ITPR2: variants seen among roughly 807,000 people sequenced by gnomAD.
ITPR2 encodes the protein inositol 1,4,5-trisphosphate-gated calcium channel ITPR2.
A neutral mutation model predicts 317.1 loss-of-function variants in ITPR2; 207 were observed. That is an observed-to-expected ratio of 0.65 (90% confidence interval 0.58 to 0.73). The LOEUF (loss-of-function observed/expected upper bound fraction) is 0.73, where lower values mean the gene tolerates loss of function less well. Among genes scored for constraint, ITPR2 ranks in the 30% least tolerant of loss-of-function variants. The pLI, the probability that ITPR2 is intolerant of heterozygous loss-of-function variation, is 0.00. For missense variants in ITPR2, 2,613 were observed against 3,284.0 expected (o/e 0.80, Z 4.99); for synonymous variants, 1,156 against 1,149.1 (o/e 1.01, Z -0.12).
Position 26,621,182 on chromosome 12 carries a change from T to G in ITPR2, c.3403A>C (p.Asn1135His). The G allele has an allele frequency of 6.2e-7, 1 of 1,614,026 alleles. No homozygotes were observed. The highest frequency in any genetic ancestry group is 1.1e-5 in the South Asian group (1 of 91,058). ...TCCCCTATTTCTCCATTCTCATAGT[T>G]GCTGCTCTTCTCCACCCATAGCTCA... is the stretch of plus-strand genomic sequence containing the variant. ...KSELWVEKSS[N>H]YENGEIGESQ... Residue 1135 changes from asparagine to histidine, a missense_variant, in exon 26 of 57, where the codon AAC becomes CAC. Physicochemically the swap from Asn to His is moderately conservative, Grantham distance 68. Transcript: ENST00000381340.
chr12:26,717,311 T>C lies in ITPR2; in HGVS notation c.526-1069A>G, dbSNP rs566541903. Among the ~76,000 whole-genome samples, 5 of 152,316 alleles carry C rather than the reference T, an allele frequency of 3.3e-5. No individual in the cohort carries two copies. The South Asian group carries it at 1.0e-3, about 32-fold the overall frequency. On this transcript the variant is annotated intron_variant, in intron 5 of 56. Coordinates refer to ENST00000381340, the MANE Select transcript of ITPR2 (RefSeq NM_002223.4). Reference sequence around the variant, plus strand: ...ATCTAAGCCCAAACTTTAAAAAACATAATTTCATATTTTCAATATCAGATA... The same window carrying C: ...ATCTAAGCCCAAACTTTAAAAAACACAATTTCATATTTTCAATATCAGATA...
At chr12:26,569,887 G>A (rs532601847) in intron 34 of ITPR2, among the ~76,000 whole-genome samples, 16 of 152,240 alleles carry the variant, frequency 1.1e-4, no homozygotes, top group South Asian at 6.2e-4. Flanking sequence ...GGCAGCATCC[G>A]TCAGAAGTGA....
At chr12:26,497,196 CA>C (rs1283911671) in intron 37 of ITPR2, among the ~76,000 whole-genome samples, 1 of 149,394 alleles carries the variant, frequency 6.7e-6, no homozygotes, top group Non-Finnish European at 1.5e-5. Flanking sequence ...CTCTGTGGCC[CA>C]GGCTGGAGTG....
intron 39 of ITPR2, among the ~76,000 whole-genome samples, chr12:26,492,147 C>T (rs1591827111): frequency 6.6e-6 from 1 of 151,980 alleles, no homozygotes; most frequent in Non-Finnish European, 1.5e-5. Context: ...TATCCCAAGA[C>T]CCAGGCAGAA....
chr12:26,465,353 C>T (rs1237360243), intron 45 of ITPR2, among the ~76,000 whole-genome samples: 1 of 152,040 alleles, frequency 6.6e-6, no homozygotes, highest in African/African-American at 2.4e-5. Flanking sequence ...GGTGGCCTCA[C>T]CAAGAGTGGT....
At chr12:26,619,000 A>G (rs1273269550) in intron 26 of ITPR2, among the ~76,000 whole-genome samples, 3 of 152,224 alleles carry the variant, frequency 2.0e-5, no homozygotes, top group Admixed American at 2.0e-4. Flanking sequence ...TCTGTTATAT[A>G]GGGAGGGAGC....
chr12:26,364,623 C>T (rs1422669380), intron 55 of ITPR2, among the ~76,000 whole-genome samples: 4 of 152,174 alleles, frequency 2.6e-5, no homozygotes. Flanking sequence ...AACCAACTAA[C>T]TCCCTTTGCT....
intron 55 of ITPR2, 137 bp from the exon 56 acceptor site, chr12:26,340,465 G>A (rs1938072429): frequency 1.1e-6 from 1 of 887,624 alleles, no homozygotes. Flanking sequence ...GCATAGGGAG[G>A]GGCTGAAGTA....
At chr12:26,675,883 T>C (rs192269448) in intron 13 of ITPR2, among the ~76,000 whole-genome samples, 2 of 152,232 alleles carry the variant, frequency 1.3e-5, no homozygotes, top group East Asian at 3.9e-4. Flanking sequence ...ATGGCAAGAG[T>C]GCAGTGGCTC....
At chr12:26,517,190 G>A (rs192373559) in intron 37 of ITPR2, among the ~76,000 whole-genome samples, 7 of 152,046 alleles carry the variant, frequency 4.6e-5, no homozygotes, top group Admixed American at 3.9e-4. Context: ...CTATATATAG[G>A]GAGATGCTAT....
intron 26 of ITPR2, among the ~76,000 whole-genome samples, chr12:26,609,588 A>G (rs940331683): frequency 5.3e-5 from 8 of 152,124 alleles, no homozygotes; most frequent in Non-Finnish European, 1.0e-4. Context: ...TGAATGACAG[A>G]GCAAGACCCT....
At chr12:26,797,320 G>A (rs1281939613) in intron 1 of ITPR2, among the ~76,000 whole-genome samples, 1 of 152,080 alleles carries the variant, frequency 6.6e-6, no homozygotes, top group African/African-American at 2.4e-5. Context: ...ATTTCTAAAA[G>A]AAAGCAAATA....
intron 44 of ITPR2, among the ~76,000 whole-genome samples, chr12:26,476,514 ATTAATT>A (rs1291028413): frequency 6.6e-6 from 1 of 152,260 alleles, no homozygotes; most frequent in Non-Finnish European, 1.5e-5. Flanking sequence ...TACAAAAAAT[ATTAATT>A]TTATTTTTAT....
At chr12:26,406,598 C>G (rs2136662093) in intron 52 of ITPR2, 1 of 152,194 alleles carries the variant, frequency 6.6e-6, no homozygotes, top group East Asian at 1.9e-4. Flanking sequence ...CTGTGTATGT[C>G]TGTACCTTTT....
chr12:26,677,628 G>T (rs535453751), intron 13 of ITPR2, among the ~76,000 whole-genome samples: 2 of 151,972 alleles, frequency 1.3e-5, no homozygotes, highest in African/African-American at 2.4e-5. Flanking sequence ...TAGACTATCA[G>T]ATTGGATTGT....
At chr12:26,693,667 G>A (rs573335328) in intron 10 of ITPR2, among the ~76,000 whole-genome samples, 1 of 152,248 alleles carries the variant, frequency 6.6e-6, no homozygotes, top group East Asian at 1.9e-4. Context: ...ATCTGTGGAT[G>A]TTTGAATACA....
chr12:26,493,771 C>G (rs1377906292), intron 39 of ITPR2, among the ~76,000 whole-genome samples: 1 of 152,160 alleles, frequency 6.6e-6, no homozygotes, highest in Non-Finnish European at 1.5e-5. Context: ...CTCCCCAGCA[C>G]TCGGGCTCAT....
chr12:26,616,597 T>A (rs566561955), intron 26 of ITPR2, among the ~76,000 whole-genome samples: 3 of 152,316 alleles, frequency 2.0e-5, no homozygotes, highest in South Asian at 2.1e-4. Context: ...CAATTTTTTT[T>A]AAATCGAAAA....
chr12:26,531,925 A>C (rs1385259159), intron 37 of ITPR2, among the ~76,000 whole-genome samples: 1 of 152,222 alleles, frequency 6.6e-6, no homozygotes, highest in Non-Finnish European at 1.5e-5. Context: ...GAACTGGTTA[A>C]AATATACTAG....
Sources: allele counts gnomAD v4.1 joint callset (sites outside exome capture counted in the v4.1 genomes callset), GRCh38; gene constraint gnomAD v4.1.1; transcripts MANE v1.5; gene names NCBI Gene and HGNC (gene_info 2026-07-23, HGNC 2026-07-21).